Variants in GBE1 observed in about 807,000 individuals in gnomAD.
GBE1 encodes the protein 1,4-alpha-glucan branching enzyme 1.
A neutral mutation model predicts 88.8 loss-of-function variants in GBE1; 70 were observed. That is an observed-to-expected ratio of 0.79 (90% CI 0.65 to 0.96). The LOEUF (loss-of-function observed/expected upper bound fraction) is 0.96. Ranked by LOEUF, GBE1 falls within the 40% of genes least tolerant of loss-of-function variation. The pLI is 0.00. For synonymous variants in GBE1, 284 were observed against 300.1 expected (o/e 0.95, Z 0.56); for missense variants, 872 against 871.0 (o/e 1.00, Z -0.01).
chr3:81,552,485 C>G (rs1416359315), intron 12 of GBE1, among the ~76,000 whole-genome samples: 1 of 140,170 alleles, frequency 7.1e-6, no homozygotes, highest in Non-Finnish European at 1.5e-5. Flanking sequence ...CCACTGCACT[C>G]CAGCCTGGGA....
At chr3:81,505,418 A>G (rs1702640192) in intron 14 of GBE1, among the ~76,000 whole-genome samples, 1 of 152,236 alleles carries the variant, frequency 6.6e-6, no homozygotes, top group African/African-American at 2.4e-5. Context: ...AGATCTATAC[A>G]GCACAGGGCT....
intron 14 of GBE1, among the ~76,000 whole-genome samples, chr3:81,531,286 G>A (rs1345359724): frequency 6.6e-6 from 1 of 151,730 alleles, no homozygotes; most frequent in Non-Finnish European, 1.5e-5. Context: ...GCCTAAAACT[G>A]GAGGCTTTAG....
intron 2 of GBE1, among the ~76,000 whole-genome samples, chr3:81,685,812 C>T (rs1284601912): frequency 6.6e-6 from 1 of 152,128 alleles, no homozygotes; most frequent in East Asian, 1.9e-4. Flanking sequence ...AGAACATTAA[C>T]AACAATGAAG....
At chr3:81,749,279 A>C (rs1334148485) in intron 1 of GBE1, among the ~76,000 whole-genome samples, 3 of 152,194 alleles carry the variant, frequency 2.0e-5, no homozygotes, top group South Asian at 4.1e-4. Context: ...AAAAAGGAAC[A>C]AACTATTGAT....
At chr3:81,620,185 A>AT (rs5850530) in intron 7 of GBE1, among the ~76,000 whole-genome samples, 81 of 142,780 alleles carry the variant, frequency 5.7e-4, no homozygotes, top group Middle Eastern at 6.9e-3. Context: ...CATGGAAATA[A>AT]TTTTTTTTTT....
intron 14 of GBE1, among the ~76,000 whole-genome samples, chr3:81,528,483 G>A (rs1003483899): frequency 4.6e-5 from 7 of 152,050 alleles, no homozygotes; most frequent in African/African-American, 1.7e-4. Context: ...CTGTAAATAT[G>A]TATCAGGTGC....
At chr3:81,642,347 G>C (rs1704695584) in intron 7 of GBE1, among the ~76,000 whole-genome samples, 1 of 151,980 alleles carries the variant, frequency 6.6e-6, no homozygotes, top group South Asian at 2.1e-4. Context: ...TTGTTTTATA[G>C]TTATAAATTA....
intron 12 of GBE1, among the ~76,000 whole-genome samples, chr3:81,554,428 T>A (rs1403598144): frequency 6.6e-6 from 1 of 152,186 alleles, no homozygotes; most frequent in African/African-American, 2.4e-5. Context: ...TCTACACATG[T>A]GGCTTTGTGG....
chr3:81,649,028 G>C, intron 4 of GBE1, 37 bp from the exon 5 acceptor site: 3 of 1,426,750 alleles, frequency 2.1e-6, no homozygotes, highest in Non-Finnish European at 2.8e-6. Flanking sequence ...GTTAAGCCAG[G>C]AATTCTGGTA....
Position 81,508,059 on chromosome 3 carries a change from T to C in GBE1, c.1935-8832A>G, listed in dbSNP as rs77106649. On this transcript the variant is annotated intron_variant, in intron 14 of 15. Coordinates refer to ENST00000429644, the MANE Select transcript of GBE1 (RefSeq NM_000158.4). ...TCTACCAGGTTAATTATTGGATTACTATGCTTTCTGAAATGTATTTTCATG... is the reference window on the plus strand; with the variant it reads ...TCTACCAGGTTAATTATTGGATTACCATGCTTTCTGAAATGTATTTTCATG... 4.1e-3 allele frequency among the ~76,000 whole-genome samples: 624 copies of C among 152,350 alleles called. 6 individuals carry two copies. Among genetic ancestry groups the C allele is most frequent in the Non-Finnish European group, 7.2e-3 (489 of 68,034 alleles).
At chr3:81,579,711 G>T (rs978693992) in intron 11 of GBE1, among the ~76,000 whole-genome samples, 2 of 151,488 alleles carry the variant, frequency 1.3e-5, no homozygotes, top group African/African-American at 4.9e-5. Context: ...TTCTAGATTG[G>T]GTTCTTCTTT....
chr3:81,617,404 C>T (rs1446659328), intron 7 of GBE1, among the ~76,000 whole-genome samples: 3 of 151,794 alleles, frequency 2.0e-5, no homozygotes, highest in Non-Finnish European at 1.5e-5. Flanking sequence ...CTTGACAGTT[C>T]CCCTCTGTTC....
At chr3:81,585,955 A>AAAAAAAGC in intron 10 of GBE1, 137 bp downstream of exon 10, 1 of 536,472 alleles carries the variant, frequency 1.9e-6, no homozygotes, top group South Asian at 3.0e-5. Flanking sequence ...AAAGCATAAG[A>AAAAAAAGC]ATCGACAGAC....
At chr3:81,536,365 T>C (rs1430177844) in intron 13 of GBE1, among the ~76,000 whole-genome samples, 3 of 151,990 alleles carry the variant, frequency 2.0e-5, no homozygotes, top group African/African-American at 7.2e-5. Context: ...CACTTGTTAA[T>C]TACATTTTCT....
chr3:81,721,987 T>C (rs1300638799), intron 1 of GBE1, among the ~76,000 whole-genome samples: 1 of 152,196 alleles, frequency 6.6e-6, no homozygotes, highest in Non-Finnish European at 1.5e-5. Flanking sequence ...AGCAAGTTAT[T>C]AGCAGAACCA....
At chr3:81,507,137 C>A (rs1385526759) in intron 14 of GBE1, among the ~76,000 whole-genome samples, 2 of 151,090 alleles carry the variant, frequency 1.3e-5, no homozygotes, top group Non-Finnish European at 2.9e-5. Flanking sequence ...GGCCATGTGA[C>A]CTTTATGATT....
At chr3:81,758,860 TCCCCAC>T (rs1706638557) in intron 1 of GBE1, among the ~76,000 whole-genome samples, 2 of 152,220 alleles carry the variant, frequency 1.3e-5, no homozygotes, top group Non-Finnish European at 2.9e-5. Context: ...TTTGGTTGTG[TCCCCAC>T]TCAGATCTCA....
At position 81,750,618 on chromosome 3, in the gene GBE1, TATATATATATAC is replaced by T. The variant is rs1559708703; in HGVS notation, c.143+10745_143+10756del. Among the ~76,000 whole-genome samples the T allele has an allele frequency of 1.6e-3, 104 of 65,086 alleles. 6 individuals carry two copies. Among genetic ancestry groups the T allele is most frequent in the East Asian group, 9.5e-3 (6 of 634 alleles). The allele number at this position is 65,086 out of a possible 152,430, so 42.7% of individuals were successfully genotyped here. A position where few individuals can be genotyped will look rare whatever the true frequency, so the allele number is the denominator to read the frequency against. On this transcript the variant is annotated intron_variant, in intron 1 of 15. Transcript: ENST00000429644. Reference sequence around the variant, plus strand: ...ATATATATGTGTATATATATATATGTATATATATATACGTATATATATATATGTATATATATA... The same window carrying T: ...ATATATATGTGTATATATATATATGTGTATATATATATATGTATATATATA...
At chr3:81,737,377 T>TATATA (rs1706278284) in intron 1 of GBE1, among the ~76,000 whole-genome samples, 2 of 30,612 alleles carry the variant, frequency 6.5e-5, no homozygotes, top group Non-Finnish European at 1.3e-4. Flanking sequence ...TTATATATAT[T>TATATA]TTTATATATA....
Sources: gnomAD v4.1 joint callset for allele counts (sites outside exome capture counted in the v4.1 genomes callset) on GRCh38, gnomAD v4.1.1 for gene constraint, MANE v1.5 for transcripts, NCBI Gene and HGNC (gene_info 2026-07-23, HGNC 2026-07-21) for gene names.